The following ENTPD5 variants were observed in gnomAD, a reference collection of about 807,000 sequenced individuals.
The protein encoded by ENTPD5 is ectonucleoside triphosphate diphosphohydrolase 5 (inactive).
A neutral mutation model predicts 60.2 loss-of-function variants in ENTPD5; 49 were observed. The ratio of observed to expected loss-of-function variants is 0.81; its 90% CI spans 0.65 to 1.03. The LOEUF is 1.03. Among genes scored for constraint, ENTPD5 ranks in the 50% least tolerant of loss-of-function variants. The pLI is 0.00. For synonymous variants in ENTPD5, 187 were observed against 185.4 expected, an observed-to-expected ratio of 1.01 and a Z score of -0.07; for missense variants, 480 against 507.6, an observed-to-expected ratio of 0.95 and a Z score of 0.52.
intron 15 of ENTPD5, among the ~76,000 whole-genome samples, chr14:73,967,634 C>T (rs1383338828): frequency 6.6e-6 from 1 of 151,556 alleles, no homozygotes. Context: ...TGGCAAAACC[C>T]CGTCTCTACA....
intron 3 of ENTPD5, among the ~76,000 whole-genome samples, chr14:74,006,824 A>C (rs1231446281): frequency 3.9e-5 from 6 of 151,946 alleles, no homozygotes; most frequent in Non-Finnish European, 1.5e-5. Context: ...GCTTCATGAG[A>C]TCCTCCCACC....
chr14:73,962,400 A>T (rs1393112086), downstream of ENTPD5, among the ~76,000 whole-genome samples: 1 of 152,178 alleles, frequency 6.6e-6, no homozygotes, highest in Non-Finnish European at 1.5e-5. Flanking sequence ...AAAAGGGCTT[A>T]AAAATAGTGA....
chr14:73,998,995 T>TA (rs1282503860), intron 3 of ENTPD5, among the ~76,000 whole-genome samples: 1 of 152,090 alleles, frequency 6.6e-6, no homozygotes, highest in Admixed American at 6.5e-5. Context: ...ATCTGGTAGT[T>TA]ACATGTAAGG....
rs1321845388 is a variant in ENTPD5, at chr14:73,971,587, G to T, written c.1084+265C>A. On this transcript the variant is annotated intron_variant, in intron 14 of 15. Transcript: ENST00000334696. The stretch of plus-strand genomic sequence containing the variant: ...AGCTGCAATGCAGTGACTGTTCACA[G>T]GTGTGATTATAGTGCACTATAACCT... Among the ~76,000 whole-genome samples, 3 of 152,192 alleles carry T rather than the reference G, an allele frequency of 2.0e-5. No individual in the cohort carries two copies. Among genetic ancestry groups the T allele is most frequent in the Non-Finnish European group, 4.4e-5 (3 of 68,040 alleles).
intron 15 of ENTPD5, among the ~76,000 whole-genome samples, chr14:73,969,261 C>A (rs75648220): frequency 0.013 from 1,985 of 152,300 alleles, 21 homozygotes; most frequent in South Asian, 0.03. Context: ...CAGAGACAGG[C>A]AGGACATATA....
rs371657181 is a variant in ENTPD5 at position 74,001,526 on chromosome 14, G to C, written c.-71+9565C>G. Among the ~76,000 whole-genome samples, 439 of 151,712 alleles carry C rather than the reference G, an allele frequency of 2.9e-3. 5 individuals are homozygous for C. The highest frequency in any genetic ancestry group is 0.01 in the African/African-American group (422 of 41,308). On this transcript the variant is annotated intron_variant, in intron 3 of 15. Coordinates refer to ENST00000334696, the MANE Select transcript of ENTPD5 (RefSeq NM_001249.5). ...CAAAAAAAAAGAAAAAAATTAGCCA[G>C]GCATGGTGGCGGGCACCTGTAGTCC...
chr14:73,975,793 C>A (rs1368921318), intron 10 of ENTPD5, 143 bp downstream of exon 10: 1 of 601,682 alleles, frequency 1.7e-6, no homozygotes, highest in Non-Finnish European at 2.8e-6. Flanking sequence ...TGTAAGTGGA[C>A]CGGGTTTCAG....
At chr14:74,006,947 T>C (rs1449730696) in intron 3 of ENTPD5, among the ~76,000 whole-genome samples, 1 of 152,202 alleles carries the variant, frequency 6.6e-6, no homozygotes, top group Non-Finnish European at 1.5e-5. Flanking sequence ...TCACTGTATT[T>C]GTTTTGAAGA....
intron 3 of ENTPD5, among the ~76,000 whole-genome samples, chr14:74,004,313 A>G (rs8017421): frequency 0.079 from 11,934 of 151,358 alleles, 607 homozygotes; most frequent in South Asian, 0.26. Context: ...GACTACAGGC[A>G]CCCCCCACCA....
chr14:74,017,077 G>A (rs966617997), intron 1 of ENTPD5, among the ~76,000 whole-genome samples: 4 of 152,240 alleles, frequency 2.6e-5, no homozygotes, highest in African/African-American at 9.6e-5. Context: ...CCAGTACTTT[G>A]GTAGGCCGAG....
At position 74,008,153 on chromosome 14, in the gene ENTPD5, T is replaced by TTA. The variant is rs1566767908; in HGVS notation, c.-71+2937_-71+2938insTA. 3.3e-5 allele frequency among the ~76,000 whole-genome samples: 5 copies of TTA among 151,852 alleles called. No homozygotes were observed. The East Asian group carries it at 9.8e-4, about 30-fold the overall frequency. The stretch of plus-strand genomic sequence containing the variant: ...CCAGACAAAGAAAAAAAAAATTTTT[T>TTA]AACTCAGCTTTTCTTAGATCATTGT... On this transcript the variant is annotated intron_variant, in intron 3 of 15. Transcript: ENST00000334696.
chr14:73,979,281 C>G (rs2057573015), intron 6 of ENTPD5, among the ~76,000 whole-genome samples: 2 of 152,020 alleles, frequency 1.3e-5, no homozygotes, highest in South Asian at 4.1e-4. Flanking sequence ...CTGCCTTTCC[C>G]TGCTTTTTTT....
intron 3 of ENTPD5, among the ~76,000 whole-genome samples, chr14:73,994,763 T>C (rs370718851): frequency 3.2e-4 from 48 of 151,566 alleles, no homozygotes; most frequent in Admixed American, 1.3e-3. Flanking sequence ...ATTTATAGAA[T>C]GACATCCTAT....
At chr14:73,986,495 TA>T (rs2057908026) in intron 5 of ENTPD5, 1 of 258,960 alleles carries the variant, frequency 3.9e-6, no homozygotes, top group African/African-American at 2.2e-5. Context: ...ACTTCATGTT[TA>T]TCTTCTGCGC....
chr14:73,968,455 G>A (rs536526670), intron 15 of ENTPD5, among the ~76,000 whole-genome samples: 3 of 141,398 alleles, frequency 2.1e-5, no homozygotes, highest in Non-Finnish European at 3.0e-5. Context: ...ACGGAGTTTC[G>A]CTCTTTGTTG....
chr14:73,977,866 C>T (rs1249255295), intron 6 of ENTPD5, among the ~76,000 whole-genome samples: 3 of 152,160 alleles, frequency 2.0e-5, no homozygotes, highest in African/African-American at 7.2e-5. Flanking sequence ...GTCTCTAGAG[C>T]ATGGGGAGAC....
intron 4 of ENTPD5, 78 bp downstream of exon 4, chr14:73,987,806 ACT>A: frequency 1.5e-6 from 2 of 1,324,708 alleles, no homozygotes; most frequent in Non-Finnish European, 2.1e-6. Flanking sequence ...CACATAATAA[ACT>A]CTCAGCATAT....
At chr14:73,997,494 C>A (rs1419983421) in intron 3 of ENTPD5, among the ~76,000 whole-genome samples, 1 of 152,128 alleles carries the variant, frequency 6.6e-6, no homozygotes, top group Non-Finnish European at 1.5e-5. Context: ...CACAGCAAAG[C>A]TAGCCTTAAC....
At chr14:73,994,420 C>G (rs555798853) in intron 3 of ENTPD5, among the ~76,000 whole-genome samples, 8 of 152,084 alleles carry the variant, frequency 5.3e-5, no homozygotes, top group African/African-American at 1.9e-4. Flanking sequence ...AGCCTCCGCA[C>G]CGAGCAATGT....
Sources: gnomAD v4.1 joint callset for allele counts (sites outside exome capture counted in the v4.1 genomes callset) on GRCh38, gnomAD v4.1.1 for gene constraint, MANE v1.5 for transcripts, NCBI Gene and HGNC (gene_info 2026-07-23, HGNC 2026-07-21) for gene names.